Variants in STOM observed in about 807,000 individuals in gnomAD.
STOM encodes stomatin.
Under a neutral mutation model 30.6 loss-of-function variants are expected in STOM, and 25 were observed. The observed-to-expected ratio is 0.82, with a 90% CI of 0.60 to 1.14. The LOEUF is 1.14. Among genes scored for constraint, STOM ranks in the 50% most tolerant of loss-of-function variants. The probability of loss-of-function intolerance (pLI) is 0.00; values close to 1 mark genes in which losing one functional copy is unlikely to be tolerated. For synonymous variants in STOM, 118 were observed against 130.8 expected (o/e 0.90, Z 0.67); for missense variants, 292 against 365.2 (o/e 0.80, Z 1.63).
intron 5 of STOM, 98 bp downstream of exon 5, chr9:121,349,022 C>A: frequency 7.3e-7 from 1 of 1,370,526 alleles, no homozygotes; most frequent in Non-Finnish European, 9.9e-7. Flanking sequence ...GGTCACAGAC[C>A]CCCACAACTT....
intron 1 of STOM, among the ~76,000 whole-genome samples, chr9:121,361,477 C>T (rs111562822): frequency 1.1e-4 from 16 of 150,930 alleles, no homozygotes; most frequent in African/African-American, 3.2e-4. Context: ...CAAGCTCTGC[C>T]CCCTGGGTTC....
intron 6 of STOM, among the ~76,000 whole-genome samples, chr9:121,346,565 A>G (rs2064291783): frequency 6.6e-6 from 1 of 152,240 alleles, no homozygotes; most frequent in Admixed American, 6.5e-5. Flanking sequence ...GCTTTTGCCT[A>G]ATAACATATT....
At chr9:121,355,221 G>A (rs2064374470) in intron 2 of STOM, among the ~76,000 whole-genome samples, 3 of 120,792 alleles carry the variant, frequency 2.5e-5, no homozygotes, top group Non-Finnish European at 1.7e-5. Context: ...GCCACAAGGT[G>A]ACTCCGTCTC....
Position 121,340,821 on chromosome 9 carries a change from G to T in STOM, c.*381C>A. The T allele has an allele frequency of 9.3e-7, 1 of 1,075,010 alleles. No homozygotes were observed. Among genetic ancestry groups the T allele is most frequent in the South Asian group, 2.9e-5 (1 of 34,146 alleles). The allele number at this position is 1,075,010 out of a possible 1,614,324, so 66.6% of individuals were successfully genotyped here. A position where few individuals can be genotyped will look rare whatever the true frequency, so the allele number is the denominator to read the frequency against. ...CTGGAGAAGCTGGTTGTGGTGTAAG[G>T]TCATCACTTTCTGCAAAGCATTTAG... On this transcript the variant is annotated 3_prime_UTR_variant, in exon 7 of 7. Transcript: ENST00000286713.
At position 121,340,321 on chromosome 9, in the gene STOM, C is replaced by T; in HGVS notation, c.*881G>A. 1 of 985,334 alleles carries T rather than the reference C, an allele frequency of 1.0e-6. No individual in the cohort carries two copies. Among genetic ancestry groups the T allele is most frequent in the African/African-American group, 1.7e-5 (1 of 57,318 alleles). 61.0% of individuals were successfully genotyped at this position (985,334 alleles called of 1,614,324 possible). A position where few individuals can be genotyped will look rare whatever the true frequency, so the allele number is the denominator to read the frequency against. On this transcript the variant is annotated 3_prime_UTR_variant, in exon 7 of 7. Coordinates refer to ENST00000286713, the MANE Select transcript of STOM (RefSeq NM_004099.6). The stretch of plus-strand genomic sequence containing the variant: ...GGTTAGAGTAATCTTTTTCATTAGT[C>T]TTGGCTATTTCCTCTAGTTCTGACA...
chr9:121,368,826 G>A (rs1200315989), intron 1 of STOM, among the ~76,000 whole-genome samples: 3 of 151,916 alleles, frequency 2.0e-5, no homozygotes, highest in Non-Finnish European at 4.4e-5. Context: ...TGTAATCCCA[G>A]CTACTTGGGA....
At chr9:121,349,355 T>C (rs766712296) in intron 4 of STOM, 32 bp from the exon 5 acceptor site, 3 of 1,598,670 alleles carry the variant, frequency 1.9e-6, no homozygotes, top group Non-Finnish European at 8.6e-7. Flanking sequence ...TTTACATCTG[T>C]CAACGACTTT....
At chr9:121,349,349 C>T (rs2134027432) in intron 4 of STOM, 26 bp from the exon 5 acceptor site, 1 of 1,607,610 alleles carries the variant, frequency 6.2e-7, no homozygotes, top group Non-Finnish European at 8.5e-7. Flanking sequence ...AGCAATTTTA[C>T]ATCTGTCAAC....
chr9:121,345,380 C>A (rs1417012839), intron 6 of STOM, among the ~76,000 whole-genome samples: 1 of 152,160 alleles, frequency 6.6e-6, no homozygotes, highest in East Asian at 1.9e-4. Context: ...AGTGTGACAT[C>A]CGCTTATAAT....
At chr9:121,360,766 G>C (rs1275787119) in intron 1 of STOM, among the ~76,000 whole-genome samples, 1 of 151,324 alleles carries the variant, frequency 6.6e-6, no homozygotes, top group African/African-American at 2.5e-5. Flanking sequence ...AAGCCAAAAA[G>C]TTCAGCCCAG....
chr9:121,348,158 AAG>A lies in STOM; in HGVS notation c.526-11_526-10del, dbSNP rs772871728. ...GCATCATCCAGAGTAGACTGTTAGG[AAG>A]AGAGAAGGCAAGCTAAATCTCCTCA... On this transcript the variant is annotated splice_polypyrimidine_tract_variant and intron_variant, in intron 5 of 6. Transcript: ENST00000286713. The A allele has an allele frequency of 6.2e-7, 1 of 1,614,072 alleles. No homozygotes were observed. The highest frequency in any genetic ancestry group is 8.5e-7 in the Non-Finnish European group (1 of 1,179,978).
At position 121,340,693 on chromosome 9, in the gene STOM, T is replaced by C; in HGVS notation, c.*509A>G. ...TGAACCCAGGAGGCGGAGGTTGCAG[T>C]GAGCCGAGATCATGCTATTGCACTC... On this transcript the variant is annotated 3_prime_UTR_variant, in exon 7 of 7. Transcript: ENST00000286713. 1 of 937,760 alleles carries C rather than the reference T, an allele frequency of 1.1e-6. No individual in the cohort carries two copies. Among genetic ancestry groups the C allele is most frequent in the African/African-American group, 1.8e-5 (1 of 55,484 alleles). 58.1% of individuals were successfully genotyped at this position (937,760 alleles called of 1,614,324 possible).
intron 1 of STOM, among the ~76,000 whole-genome samples, chr9:121,365,767 A>C (rs1306043270): frequency 6.6e-6 from 1 of 152,212 alleles, no homozygotes; most frequent in Non-Finnish European, 1.5e-5. Flanking sequence ...GTGGAGATAA[A>C]ACGAGAAAAT....
At chr9:121,360,649 C>T (rs1362929741) in intron 1 of STOM, among the ~76,000 whole-genome samples, 1 of 152,078 alleles carries the variant, frequency 6.6e-6, no homozygotes, top group African/African-American at 2.4e-5. Flanking sequence ...TGATCAAAAG[C>T]CTCTTAAACA....
intron 1 of STOM, among the ~76,000 whole-genome samples, chr9:121,358,587 A>G (rs1233852313): frequency 6.6e-6 from 1 of 152,206 alleles, no homozygotes; most frequent in Non-Finnish European, 1.5e-5. Context: ...CCCCCACCAC[A>G]TACTTATACC....
intron 1 of STOM, among the ~76,000 whole-genome samples, chr9:121,366,919 G>A (rs527868675): frequency 6.7e-6 from 1 of 148,820 alleles, no homozygotes; most frequent in South Asian, 2.1e-4. Context: ...GAGACCCTGA[G>A]TTAAAAAAAA....
rs112243211 is a variant in STOM, at chr9:121,347,901, T to C, written c.660+114A>G. The C allele has an allele frequency of 1.4e-3, 1,925 of 1,333,734 alleles. 30 individuals carry two copies. The African/African-American group carries it at 0.022, about 15-fold the overall frequency. The allele number at this position is 1,333,734 out of a possible 1,614,324, so 82.6% of individuals were successfully genotyped here. A position where few individuals can be genotyped will look rare whatever the true frequency, so the allele number is the denominator to read the frequency against. On this transcript the variant is annotated intron_variant, in intron 6 of 6. Coordinates refer to ENST00000286713, the MANE Select transcript of STOM (RefSeq NM_004099.6). Reference sequence around the variant, plus strand: ...TACGGGGAGGGTTTTCACTTCTAACTTTACCACTTCAAGATTATTTCAAGT... The same window carrying C: ...TACGGGGAGGGTTTTCACTTCTAACCTTACCACTTCAAGATTATTTCAAGT...
At chr9:121,354,737 TTAAA>T (rs1334537488) in intron 2 of STOM, 64 bp from the exon 3 acceptor site, 2 of 1,244,196 alleles carry the variant, frequency 1.6e-6, no homozygotes, top group African/African-American at 3.1e-5. Context: ...GCATGGCTTC[TTAAA>T]TATATATTTC....
intron 1 of STOM, among the ~76,000 whole-genome samples, chr9:121,359,417 AAAG>A (rs1282719130): frequency 6.6e-6 from 1 of 152,190 alleles, no homozygotes; most frequent in Admixed American, 6.5e-5. Context: ...AAAATGATCT[AAAG>A]TAATCCTGGA....
Sources: allele counts gnomAD v4.1 joint callset (sites outside exome capture counted in the v4.1 genomes callset), GRCh38; gene constraint gnomAD v4.1.1; transcripts MANE v1.5; gene names NCBI Gene and HGNC (gene_info 2026-07-23, HGNC 2026-07-21).